Variants in RPL28 observed in about 807,000 individuals in gnomAD.
The protein encoded by RPL28 is large ribosomal subunit protein eL28.
A neutral mutation model predicts 12.5 loss-of-function variants in RPL28; 4 were observed. That is an observed-to-expected ratio of 0.32 (90% confidence interval 0.16 to 0.73). The LOEUF (loss-of-function observed/expected upper bound fraction) is 0.73, where lower values mean the gene tolerates loss of function less well. Ranked by LOEUF, RPL28 falls within the 30% of genes least tolerant of loss-of-function variation. The pLI is 0.66. For synonymous variants in RPL28, 91 were observed against 72.5 expected (o/e 1.26, Z -1.30); for missense variants, 214 against 197.7 (o/e 1.08, Z -0.49).
intron 4 of RPL28, chr19:55,399,659 G>C (rs576900142): frequency 2.1e-4 from 32 of 152,246 alleles, no homozygotes; most frequent in African/African-American, 7.5e-4. Flanking sequence ...CTACGCAGGG[G>C]CCCATCACAG....
In RPL28 at chr19:55,388,675, C is replaced by T. The variant is rs73932624; in HGVS notation, c.*343C>T. 8.1e-3 allele frequency: 8,892 copies of T among 1,095,880 alleles called. 551 individuals are homozygous for T. In the African/African-American group the frequency reaches 0.13, roughly 16 times the overall value. 67.9% of individuals were successfully genotyped at this position (1,095,880 alleles called of 1,614,324 possible). On this transcript the variant is annotated 3_prime_UTR_variant, in exon 5 of 5. Coordinates refer to ENST00000344063, the MANE Select transcript of RPL28 (RefSeq NM_000991.5). ...TCAGAAGAAGAAAGGCCTTTTCTAG[C>T]CCAGAAGGGTGCAGGCTGAGGGCTG...
chr19:55,389,128 A>G lies in RPL28; in HGVS notation c.*796A>G. 4.1e-6 allele frequency: 4 copies of G among 985,260 alleles called. No homozygotes were observed. Among genetic ancestry groups the G allele is most frequent in the Non-Finnish European group, 4.8e-6 (4 of 829,902 alleles). The allele number at this position is 985,260 out of a possible 1,614,324, so 61.0% of individuals were successfully genotyped here. A position where few individuals can be genotyped will look rare whatever the true frequency, so the allele number is the denominator to read the frequency against. On this transcript the variant is annotated 3_prime_UTR_variant, in exon 5 of 5. Transcript: ENST00000344063. ...TTGGCCTGTTTGCTCCCTAGTGTTT[A>G]TTACAGCTTGTGAGGCCAGGAGTTT...
chr19:55,396,802 G>C (rs962144812), downstream of RPL28, among the ~76,000 whole-genome samples: 9 of 150,472 alleles, frequency 6.0e-5, no homozygotes, highest in Non-Finnish European at 7.4e-5. Context: ...GGATGTTCTC[G>C]ATCTCCTGAC....
At position 55,386,620 on chromosome 19, in the gene RPL28, T is replaced by G; in HGVS notation, c.132T>G (p.Ile44Met). Reference sequence around the variant, plus strand: ...ATTCCTTCCGCTACAACGGACTGATTCACCGCAAGACTGTGGGCGTGGAGC... The same window carrying G: ...ATTCCTTCCGCTACAACGGACTGATGCACCGCAAGACTGTGGGCGTGGAGC... ...ARNSFRYNGL[I>M]HRKTVGVEPA... Residue 44 changes from isoleucine (I) to methionine (M), a missense_variant, in exon 3 of 5, where the codon ATT becomes ATG. Transcript: ENST00000344063. 6.2e-7 allele frequency: 1 copy of G among 1,613,828 alleles called. No individual in the cohort carries two copies. Among genetic ancestry groups the G allele is most frequent in the Non-Finnish European group, 8.5e-7 (1 of 1,179,806 alleles).
chr19:55,395,727 G>A (rs573364382), downstream of RPL28, among the ~76,000 whole-genome samples: 135 of 152,214 alleles, frequency 8.9e-4, no homozygotes, highest in Non-Finnish European at 1.6e-3. Flanking sequence ...ACAGGCATGA[G>A]CCACCGCGCC....
At chr19:55,396,332 A>C (rs952002058), downstream of RPL28, among the ~76,000 whole-genome samples, 54 of 151,876 alleles carry the variant, frequency 3.6e-4, no homozygotes, top group African/African-American at 1.3e-3. Context: ...AAAGTGCATA[A>C]AATGTATTTA....
At chr19:55,386,753 T>A (rs2089932675) in intron 3 of RPL28, 60 bp downstream of exon 3, 1 of 1,602,230 alleles carries the variant, frequency 6.2e-7, no homozygotes, top group Non-Finnish European at 8.5e-7. Context: ...GGAGCTGTGA[T>A]TTTTTACTGT....
At chr19:55,398,259 A>G (rs569086805) in intron 4 of RPL28, among the ~76,000 whole-genome samples, 6 of 152,336 alleles carry the variant, frequency 3.9e-5, no homozygotes, top group African/African-American at 1.4e-4. Context: ...CTTGAGACGC[A>G]GGAAGGAGTT....
chr19:55,401,349 C>T, intron 4 of RPL28: 3 of 1,019,752 alleles, frequency 2.9e-6, no homozygotes, highest in Non-Finnish European at 4.2e-6. Flanking sequence ...TCCCCGACCC[C>T]AGCCATAATT....
intron 4 of RPL28, among the ~76,000 whole-genome samples, chr19:55,397,595 T>C (rs944700476): frequency 2.0e-5 from 3 of 152,024 alleles, no homozygotes; most frequent in African/African-American, 7.2e-5. Context: ...TTAGCCAGGA[T>C]AGTCTCGATC....
rs1266244902 is a variant in RPL28 at position 55,389,055 on chromosome 19, CCACCCTGT to C, written c.*729_*736del. 1 of 985,464 alleles carries C rather than the reference CCACCCTGT, an allele frequency of 1.0e-6. No individual in the cohort carries two copies. The highest frequency in any genetic ancestry group is 1.2e-6 in the Non-Finnish European group (1 of 829,974). 61.0% of individuals were successfully genotyped at this position (985,464 alleles called of 1,614,324 possible). ...TCTCATCTCAGTGGCCGCTCCTGGG[CCACCCTGT>C]CACCCAAGCTTTCCTGATTGCCCAG... is the stretch of plus-strand genomic sequence containing the variant. On this transcript the variant is annotated 3_prime_UTR_variant, in exon 5 of 5. Transcript: ENST00000344063.
At chr19:55,387,062 G>A in intron 3 of RPL28, 1 of 1,428,146 alleles carries the variant, frequency 7.0e-7, no homozygotes, top group Non-Finnish European at 9.2e-7. Context: ...AGGGGCCCTC[G>A]CTACCACACT....
At chr19:55,392,719 C>T (rs571418632), downstream of RPL28, among the ~76,000 whole-genome samples, 6 of 152,132 alleles carry the variant, frequency 3.9e-5, no homozygotes, top group East Asian at 7.8e-4. Flanking sequence ...TTAGTAGAGA[C>T]GGGGTTTCAC....
chr19:55,402,948 G>C (rs1355301469), exon 5 of RPL28: 1 of 1,521,604 alleles, frequency 6.6e-7, no homozygotes, highest in Non-Finnish European at 8.8e-7. Flanking sequence ...TTCAGCTTGC[G>C]GGAAGGGTTG....
In RPL28 at chr19:55,389,172, A is replaced by T. The variant is rs2089965423; in HGVS notation, c.*840A>T. The T allele has an allele frequency of 1.0e-6, 1 of 973,110 alleles. No homozygotes were observed. The highest frequency in any genetic ancestry group is 1.8e-5 in the African/African-American group (1 of 54,366). The allele number at this position is 973,110 out of a possible 1,614,324, so 60.3% of individuals were successfully genotyped here. ...GGAGTTTGAGACCATCCTAGGCAAC[A>T]TAATGAGACACCGTCTCTAAAATAA... On this transcript the variant is annotated 3_prime_UTR_variant, in exon 5 of 5. Transcript: ENST00000344063.
chr19:55,400,552 T>G (rs2090049658), intron 4 of RPL28: 1 of 152,184 alleles, frequency 6.6e-6, no homozygotes. Flanking sequence ...GGCCCTTAAA[T>G]CAGACCTGCC....
At chr19:55,401,629 C>G (rs1312646281) in intron 4 of RPL28, 1 of 1,605,686 alleles carries the variant, frequency 6.2e-7, no homozygotes, top group East Asian at 2.2e-5. Context: ...GCTGGGCCCG[C>G]CGGCGCCCCC....
At chr19:55,393,519 A>G (rs979456694), downstream of RPL28, among the ~76,000 whole-genome samples, 10 of 150,858 alleles carry the variant, frequency 6.6e-5, no homozygotes, top group Non-Finnish European at 1.3e-4. Context: ...TGCAACCACA[A>G]CCCCTATCTT....
chr19:55,395,577 G>A (rs1009946501), downstream of RPL28, among the ~76,000 whole-genome samples: 1 of 151,702 alleles, frequency 6.6e-6, no homozygotes, highest in Non-Finnish European at 1.5e-5. Context: ...CCTAGTAGCT[G>A]GGACTACAGG....
Sources: gnomAD v4.1 joint callset for allele counts (sites outside exome capture counted in the v4.1 genomes callset) on GRCh38, gnomAD v4.1.1 for gene constraint, MANE v1.5 for transcripts, NCBI Gene and HGNC (gene_info 2026-07-23, HGNC 2026-07-21) for gene names.